Variants in CUEDC1 observed in about 807,000 individuals in gnomAD.
CUEDC1 encodes the protein CUE domain containing 1.
Under a neutral mutation model 43.7 loss-of-function variants are expected in CUEDC1, and 30 were observed. The ratio of observed to expected loss-of-function variants is 0.69; its 90% CI spans 0.51 to 0.93. The LOEUF (loss-of-function observed/expected upper bound fraction) is 0.93, where lower values mean the gene tolerates loss of function less well. CUEDC1 is among the 40% of genes least tolerant of loss of function. CUEDC1 has a pLI of 0.00. For missense variants in CUEDC1, 486 were observed against 549.0 expected (o/e 0.89, Z 1.15); for synonymous variants, 223 against 223.6 (o/e 1.00, Z 0.02).
At chr17:57,950,662 AG>A (rs2074998503) in intron 1 of CUEDC1, among the ~76,000 whole-genome samples, 1 of 151,704 alleles carries the variant, frequency 6.6e-6, no homozygotes, top group African/African-American at 2.4e-5. Flanking sequence ...TAGTAGAGAC[AG>A]GGTTTCACCA....
intron 1 of CUEDC1, among the ~76,000 whole-genome samples, chr17:57,910,556 G>A (rs1251783874): frequency 1.3e-5 from 2 of 151,448 alleles, no homozygotes; most frequent in Non-Finnish European, 2.9e-5. Context: ...GAGCCCAGGT[G>A]TCTGAGACCA....
At chr17:57,914,612 C>T (rs143085711) in intron 1 of CUEDC1, among the ~76,000 whole-genome samples, 15 of 152,290 alleles carry the variant, frequency 9.8e-5, no homozygotes, top group East Asian at 3.9e-4. Context: ...AGAAAAGGGA[C>T]AGGGATAATG....
intron 1 of CUEDC1, among the ~76,000 whole-genome samples, chr17:57,905,966 G>T (rs1468362614): frequency 6.6e-6 from 1 of 152,174 alleles, no homozygotes; most frequent in Non-Finnish European, 1.5e-5. Flanking sequence ...ACAAAATAAA[G>T]TTCATTGTTG....
chr17:57,879,686 A>G lies in CUEDC1; in HGVS notation c.389T>C (p.Val130Ala), dbSNP rs780286034. Residue 130 changes from valine (V) to alanine (A), a missense_variant, in exon 3 of 11, where the codon GTG (valine) becomes GCG (alanine). Coordinates refer to ENST00000577830, the MANE Select transcript of CUEDC1 (RefSeq NM_001271875.2). ...CATGTGGTAGGCTGGCGGGGAGTAC[A>G]CAGGTGGGGGCTCTTCATCCGAGCT... ...PDSSDEEPPP[V>A]YSPPAYHMHV... is the part of the protein sequence containing the mutation. The G allele has an allele frequency of 2.5e-6, 4 of 1,603,512 alleles. No individual in the cohort carries two copies. The highest frequency in any genetic ancestry group is 1.7e-5 in the Admixed American group (1 of 57,980).
chr17:57,913,162 C>A (rs1017749006), intron 1 of CUEDC1, among the ~76,000 whole-genome samples: 11 of 152,178 alleles, frequency 7.2e-5, no homozygotes, highest in Non-Finnish European at 1.2e-4. Context: ...CCCGCCTCTA[C>A]TAAAAATACA....
rs540209238 is a variant in CUEDC1 at position 57,907,530 on chromosome 17, T to A, written c.-315-21651A>T. On this transcript the variant is annotated intron_variant, in intron 1 of 10. Transcript: ENST00000577830. ...AGTAAATACCTCTGTACATCTTCAGTACCCCCACAAATCTTGTTCAAAAGT... is the reference window on the plus strand; with the variant it reads ...AGTAAATACCTCTGTACATCTTCAGAACCCCCACAAATCTTGTTCAAAAGT... Among the ~76,000 whole-genome samples the A allele has an allele frequency of 2.6e-5, 4 of 152,222 alleles. No individual in the cohort carries two copies. The East Asian group carries it at 7.7e-4, about 29-fold the overall frequency.
intron 1 of CUEDC1, among the ~76,000 whole-genome samples, chr17:57,935,688 C>T (rs1810874162): frequency 6.6e-6 from 1 of 152,088 alleles, no homozygotes; most frequent in South Asian, 2.1e-4. Flanking sequence ...CTGTGTTTAC[C>T]CCGGGTGCAG....
At chr17:57,937,481 T>C (rs186363477) in intron 1 of CUEDC1, among the ~76,000 whole-genome samples, 10 of 151,822 alleles carry the variant, frequency 6.6e-5, no homozygotes, top group Admixed American at 2.6e-4. Context: ...TGTGGCAGCA[T>C]GCACCGGTAG....
Position 57,930,778 on chromosome 17 carries a change from C to T in CUEDC1, c.-316+24447G>A, listed in dbSNP as rs963083849. On this transcript the variant is annotated intron_variant, in intron 1 of 10. Coordinates refer to ENST00000577830, the MANE Select transcript of CUEDC1 (RefSeq NM_001271875.2). The surrounding 1 kb of genome is among the most constrained non-coding windows in gnomAD (Gnocchi z 4.2). ...ATGTGCTGTGGCCAACACAGGAGGGCAGAAATGACCCCTCTGTGACCGCTC... is the reference window on the plus strand; with the variant it reads ...ATGTGCTGTGGCCAACACAGGAGGGTAGAAATGACCCCTCTGTGACCGCTC... Among the ~76,000 whole-genome samples the T allele has an allele frequency of 6.6e-6, 1 of 152,166 alleles. No homozygotes were observed. Among genetic ancestry groups the T allele is most frequent in the Non-Finnish European group, 1.5e-5 (1 of 68,038 alleles).
chr17:57,876,314 C>A (rs2074125967), intron 3 of CUEDC1, among the ~76,000 whole-genome samples: 1 of 152,174 alleles, frequency 6.6e-6, no homozygotes, highest in South Asian at 2.1e-4. Flanking sequence ...GCCCTCTTTC[C>A]TGCCTCCAGG....
At chr17:57,923,615 A>G (rs2074717723) in intron 1 of CUEDC1, among the ~76,000 whole-genome samples, 1 of 152,198 alleles carries the variant, frequency 6.6e-6, no homozygotes, top group Non-Finnish European at 1.5e-5. Context: ...ACTCTGGTCA[A>G]CCAGACTTCT....
chr17:57,915,478 C>A (rs982508320), intron 1 of CUEDC1, among the ~76,000 whole-genome samples: 2 of 151,994 alleles, frequency 1.3e-5, no homozygotes, highest in Non-Finnish European at 2.9e-5. Context: ...AAAATGAAGT[C>A]TTTTTTTAAT....
intron 1 of CUEDC1, among the ~76,000 whole-genome samples, chr17:57,895,670 C>T (rs777163372): frequency 6.6e-5 from 10 of 152,200 alleles, no homozygotes; most frequent in African/African-American, 9.7e-5. Context: ...GAGATCAAAC[C>T]TCAGCGGATT....
intron 1 of CUEDC1, among the ~76,000 whole-genome samples, chr17:57,943,412 C>T (rs1270763858): frequency 2.0e-5 from 3 of 152,186 alleles, no homozygotes; most frequent in Non-Finnish European, 1.5e-5. Flanking sequence ...AAAGGGAAGT[C>T]ACCCGAGTTC....
chr17:57,890,026 G>C (rs2074338794), intron 1 of CUEDC1, among the ~76,000 whole-genome samples: 1 of 152,232 alleles, frequency 6.6e-6, no homozygotes, highest in Non-Finnish European at 1.5e-5. Context: ...TTACGAGCCT[G>C]TGCCACATGC....
chr17:57,890,632 G>T (rs2074345268), intron 1 of CUEDC1, among the ~76,000 whole-genome samples: 1 of 152,182 alleles, frequency 6.6e-6, no homozygotes, highest in Non-Finnish European at 1.5e-5. Context: ...CCCTGTGAAG[G>T]AATCCAGGCC....
intron 1 of CUEDC1, among the ~76,000 whole-genome samples, chr17:57,896,586 G>GGGTCATAA (rs1310098659): frequency 1.3e-5 from 2 of 150,992 alleles, no homozygotes; most frequent in Admixed American, 1.3e-4. Context: ...GGGGAGAACT[G>GGGTCATAA]GGTCATAAGA....
chr17:57,912,200 G>GCA (rs1221331481), intron 1 of CUEDC1: 1 of 152,218 alleles, frequency 6.6e-6, no homozygotes, highest in East Asian at 1.9e-4. Context: ...CTGCCAACAA[G>GCA]CACACACAGT....
chr17:57,949,548 G>A (rs1477324103), intron 1 of CUEDC1, among the ~76,000 whole-genome samples: 1 of 149,800 alleles, frequency 6.7e-6, no homozygotes, highest in Non-Finnish European at 1.5e-5. Context: ...AGCTCAGTAG[G>A]GGTGTCTCTG....
Sources: gnomAD v4.1 joint callset for allele counts (sites outside exome capture counted in the v4.1 genomes callset) on GRCh38, gnomAD v4.1.1 for gene constraint, Gnocchi (gnomAD v3.1) non-coding constraint, MANE v1.5 for transcripts, NCBI Gene and HGNC (gene_info 2026-07-23, HGNC 2026-07-21) for gene names.